Variants in TRIM11 observed in about 807,000 individuals in gnomAD.
TRIM11 encodes the protein E3 ubiquitin-protein ligase TRIM11.
TRIM11 carries 15 observed loss-of-function variants against 33.4 expected under a neutral mutation model. The ratio of observed to expected loss-of-function variants is 0.45; its 90% CI spans 0.30 to 0.69. The LOEUF (loss-of-function observed/expected upper bound fraction) is 0.69, where lower values mean the gene tolerates loss of function less well. TRIM11 is among the 30% of genes least tolerant of loss of function. TRIM11 has a pLI of 0.08. For synonymous variants in TRIM11, 281 were observed against 302.6 expected (o/e 0.93, Z 0.74); for missense variants, 499 against 667.6 (o/e 0.75, Z 2.78).
intron 1 of TRIM11, chr1:228,405,088 AT>A (rs1459742225): frequency 6.6e-6 from 1 of 152,278 alleles, no homozygotes; most frequent in East Asian, 1.9e-4. Context: ...CATTGGGGTA[AT>A]TGGTGTCACA....
chr1:228,402,193 A>G, intron 1 of TRIM11, 32 bp from the exon 2 acceptor site: 11 of 1,562,180 alleles, frequency 7.0e-6, no homozygotes, highest in Admixed American at 1.7e-5. Flanking sequence ...ACCATGAGAC[A>G]TGAGTCCTGT....
At position 228,406,734 on chromosome 1, in the gene TRIM11, G is replaced by A. The variant is rs1284270061; in HGVS notation, c.-173C>T. 2 of 522,320 alleles carry A rather than the reference G, an allele frequency of 3.8e-6. No individual in the cohort carries two copies. Among genetic ancestry groups the A allele is most frequent in the Admixed American group, 4.5e-5 (1 of 22,218 alleles). The allele number at this position is 522,320 out of a possible 1,614,324, so 32.4% of individuals were successfully genotyped here. A position where few individuals can be genotyped will look rare whatever the true frequency, so the allele number is the denominator to read the frequency against. On this transcript the variant is annotated 5_prime_UTR_variant, in exon 1 of 6. Transcript: ENST00000284551. This position sits in a 1 kb window ranked among gnomAD's most constrained non-coding sequence, Gnocchi z 8.2. ...CTCCGGGGCGCGGGGACTCCAGGGC[G>A]CAGGACTCTGGGTTTCGGTAGCGCT... is the stretch of plus-strand genomic sequence containing the variant.
chr1:228,394,601 GC>G lies in TRIM11; in HGVS notation c.*103del. The G allele has an allele frequency of 7.8e-7, 1 of 1,281,014 alleles. No homozygotes were observed. Among genetic ancestry groups the G allele is most frequent in the Non-Finnish European group, 1.1e-6 (1 of 947,856 alleles). 79.4% of individuals were successfully genotyped at this position (1,281,014 alleles called of 1,614,324 possible). On this transcript the variant is annotated 3_prime_UTR_variant, in exon 6 of 6. Transcript: ENST00000284551. This position sits in a 1 kb window ranked among gnomAD's most constrained non-coding sequence, Gnocchi z 6.2. The stretch of plus-strand genomic sequence containing the variant: ...AAAGGCACCAGGAGTTCCTCCTCTT[GC>G]TCAAAGGACACACTCCCTCCTCCCA...
At chr1:228,398,543 C>T (rs2149091500) in intron 3 of TRIM11, among the ~76,000 whole-genome samples, 1 of 152,138 alleles carries the variant, frequency 6.6e-6, no homozygotes, top group East Asian at 1.9e-4. Context: ...CGCTTCAGCC[C>T]AGGACATCGA....
rs1656186526 is a variant in TRIM11 at position 228,400,948 on chromosome 1, T to C, written c.735+16A>G. The C allele has an allele frequency of 6.5e-7, 1 of 1,539,820 alleles. No individual in the cohort carries two copies. Among genetic ancestry groups the C allele is most frequent in the South Asian group, 1.2e-5 (1 of 80,648 alleles). On this transcript the variant is annotated intron_variant, in intron 3 of 5. Coordinates refer to ENST00000284551, the MANE Select transcript of TRIM11 (RefSeq NM_145214.3). The surrounding 1 kb of genome is among the most constrained non-coding windows in gnomAD (Gnocchi z 4.5). ...ATGCCCGTGTGGCCACCATGGCTGC[T>C]CCCCGCCCAGCTCACCTGCAGCAGC...
chr1:228,403,695 C>G lies in TRIM11; in HGVS notation c.409-1534G>C, dbSNP rs2149094121. On this transcript the variant is annotated intron_variant, in intron 1 of 5. Coordinates refer to ENST00000284551, the MANE Select transcript of TRIM11 (RefSeq NM_145214.3). This position sits in a 1 kb window ranked among gnomAD's most constrained non-coding sequence, Gnocchi z 4.8. ...TTTGAGACGGAGTCTCGCTTTGTCC[C>G]CCAAGCTGGAGTGCAGTGGCACGAT... 6.6e-6 allele frequency: 1 copy of G among 152,552 alleles called. No individual in the cohort carries two copies. Among genetic ancestry groups the G allele is most frequent in the East Asian group, 1.9e-4 (1 of 5,184 alleles). 9.4% of individuals were successfully genotyped at this position (152,552 alleles called of 1,614,324 possible).
Position 228,406,355 on chromosome 1 carries a change from G to T in TRIM11, c.207C>A (p.Arg69=). Residue 69 remains arginine (R), a synonymous_variant, in exon 1 of 6, where the codon CGC becomes CGA. Transcript: ENST00000284551. The surrounding 1 kb of genome is among the most constrained non-coding windows in gnomAD (Gnocchi z 8.2). ...CCATCTCGGCCATCTTAGCAAGCGG[G>T]CGGTTGGGCCGCAGGTTCCTCTGCG... ...LSPQRNLRPN[R]PLAKMAEMAR... is the part of the protein sequence containing the mutation. 7 of 1,495,230 alleles carry T rather than the reference G, an allele frequency of 4.7e-6. No homozygotes were observed. The highest frequency in any genetic ancestry group is 6.2e-6 in the Non-Finnish European group (7 of 1,123,704). The allele number at this position is 1,495,230 out of a possible 1,614,324, so 92.6% of individuals were successfully genotyped here. A position where few individuals can be genotyped will look rare whatever the true frequency, so the allele number is the denominator to read the frequency against.
At chr1:228,397,118 CCT>C (rs868042800) in intron 4 of TRIM11, 23 bp downstream of exon 4, 1 of 1,613,812 alleles carries the variant, frequency 6.2e-7, no homozygotes, top group African/African-American at 1.3e-5. Flanking sequence ...TCCTGCCCCC[CCT>C]CCAGGAGAGG....
rs1224666283 is a variant in TRIM11 at position 228,406,651 on chromosome 1, C to G, written c.-90G>C. 1.3e-5 allele frequency: 17 copies of G among 1,268,556 alleles called. No homozygotes were observed. Among genetic ancestry groups the G allele is most frequent in the Non-Finnish European group, 1.7e-5 (17 of 994,246 alleles). The allele number at this position is 1,268,556 out of a possible 1,614,324, so 78.6% of individuals were successfully genotyped here. On this transcript the variant is annotated 5_prime_UTR_variant, in exon 1 of 6. Coordinates refer to ENST00000284551, the MANE Select transcript of TRIM11 (RefSeq NM_145214.3). This position sits in a 1 kb window ranked among gnomAD's most constrained non-coding sequence, Gnocchi z 8.2. ...CGCGGGGACGCGGGGTATCCGGGTG[C>G]GGCGGCGCAGGCTCGGGCACTCCGG... is the stretch of plus-strand genomic sequence containing the variant.
Position 228,395,225 on chromosome 1 carries a change from G to A in TRIM11, c.887C>T (p.Ala296Val). ...RGDVTLDPDT[A>V]NPELILSEDR... ...TTCAGACAGGATCAGCTCAGGGTTG[G>A]CGGTGTCCGGGTCCAAGGTCACGTC... The change falls in exon 6 of 6, where the codon GCC (alanine) becomes GTC (valine). Residue 296 changes from alanine to valine, a missense_variant. Ala to Val is a moderately conservative substitution (Grantham distance 64, BLOSUM62 0). Transcript: ENST00000284551. The surrounding 1 kb of genome is among the most constrained non-coding windows in gnomAD (Gnocchi z 4.8). The A allele has an allele frequency of 6.8e-7, 1 of 1,478,170 alleles. No homozygotes were observed. The highest frequency in any genetic ancestry group is 8.9e-7 in the Non-Finnish European group (1 of 1,120,234). The allele number at this position is 1,478,170 out of a possible 1,614,324, so 91.6% of individuals were successfully genotyped here. A position where few individuals can be genotyped will look rare whatever the true frequency, so the allele number is the denominator to read the frequency against.
At chr1:228,399,387 C>A (rs1481040109) in intron 3 of TRIM11, among the ~76,000 whole-genome samples, 1 of 152,210 alleles carries the variant, frequency 6.6e-6, no homozygotes, top group Non-Finnish European at 1.5e-5. Context: ...GGGAGCTTGG[C>A]CAAGGCATGG....
At chr1:228,397,604 C>G (rs1029653278) in intron 3 of TRIM11, 1 of 182,232 alleles carries the variant, frequency 5.5e-6, no homozygotes, top group Non-Finnish European at 1.1e-5. Flanking sequence ...TCCACCTGCC[C>G]TGCAGGCTCC....
rs1558444530 is a variant in TRIM11 at position 228,394,742 on chromosome 1, GGCCGGCAGATA to G, written c.1359_1369del (p.Ile454GlufsTer116). On this transcript the variant is annotated frameshift_variant, in exon 6 of 6. Coordinates refer to ENST00000284551, the MANE Select transcript of TRIM11 (RefSeq NM_145214.3). LOFTEE classifies it low-confidence loss of function (END_TRUNC). The surrounding 1 kb of genome is among the most constrained non-coding windows in gnomAD (Gnocchi z 6.2). ...CAGGGTGTCCCCGGACCCACCTTTC[GGCCGGCAGATA>G]GTCATCGGGGTCGGGCTGCTGGACA... The G allele has an allele frequency of 6.2e-7, 1 of 1,610,954 alleles. No homozygotes were observed. The highest frequency in any genetic ancestry group is 1.7e-5 in the Admixed American group (1 of 59,858).
chr1:228,396,910 C>G, intron 5 of TRIM11, 37 bp downstream of exon 5: 1 of 1,601,700 alleles, frequency 6.2e-7, no homozygotes, highest in Non-Finnish European at 8.6e-7. Context: ...AGGTCCCCTC[C>G]TGGAGTCATC....
In TRIM11 at chr1:228,401,078, C is replaced by A; in HGVS notation, c.621G>T (p.Val207=). 1.2e-6 allele frequency: 2 copies of A among 1,613,294 alleles called. No individual in the cohort carries two copies. Among genetic ancestry groups the A allele is most frequent in the Non-Finnish European group, 1.7e-6 (2 of 1,179,852 alleles). ...LQRLEEEELE[V]LPRLREGAAH... Reference sequence around the variant, plus strand: ...CTGCGCCCTCCCGCAGCCGGGGCAGCACCTCCAGCTCCTCCTCCTCCAGCC... The same window carrying A: ...CTGCGCCCTCCCGCAGCCGGGGCAGAACCTCCAGCTCCTCCTCCTCCAGCC... The change falls in exon 3 of 6, where the codon GTG becomes GTT. Residue 207 remains valine (V), a synonymous_variant. Coordinates refer to ENST00000284551, the MANE Select transcript of TRIM11 (RefSeq NM_145214.3). This position sits in a 1 kb window ranked among gnomAD's most constrained non-coding sequence, Gnocchi z 6.1.
chr1:228,404,525 G>A (rs1213304550), intron 1 of TRIM11: 1 of 152,276 alleles, frequency 6.6e-6, no homozygotes, highest in Non-Finnish European at 1.5e-5. Context: ...AGAACAGGAT[G>A]TCATCCCCAA....
In TRIM11 at chr1:228,400,484, G is replaced by A. The variant is rs1656157650; in HGVS notation, c.735+480C>T. On this transcript the variant is annotated intron_variant, in intron 3 of 5. Coordinates refer to ENST00000284551, the MANE Select transcript of TRIM11 (RefSeq NM_145214.3). This position sits in a 1 kb window ranked among gnomAD's most constrained non-coding sequence, Gnocchi z 4.5. ...CCACACATGGGAAAAGACTCTCCTG[G>A]AAGCAGAGGAGGAGGAGACTGCCCC... 2.0e-5 allele frequency among the ~76,000 whole-genome samples: 3 copies of A among 152,342 alleles called. No individual in the cohort carries two copies. Among genetic ancestry groups the A allele is most frequent in the Admixed American group, 2.0e-4 (3 of 15,304 alleles).
At position 228,400,016 on chromosome 1, in the gene TRIM11, C is replaced by A. The variant is rs952808604; in HGVS notation, c.735+948G>T. Among the ~76,000 whole-genome samples the A allele has an allele frequency of 1.3e-5, 2 of 152,218 alleles. No homozygotes were observed. Among genetic ancestry groups the A allele is most frequent in the African/African-American group, 4.8e-5 (2 of 41,458 alleles). On this transcript the variant is annotated intron_variant, in intron 3 of 5. Coordinates refer to ENST00000284551, the MANE Select transcript of TRIM11 (RefSeq NM_145214.3). The surrounding 1 kb of genome is among the most constrained non-coding windows in gnomAD (Gnocchi z 4.5). ...TCCAGAGGCCGGCAGCAGGTCACCC[C>A]CTGTGCAAAGCCGCCCAGCCACATC...
Position 228,406,230 on chromosome 1 carries a change from C to A in TRIM11, c.332G>T (p.Cys111Phe). Residue 111 changes from cysteine to phenylalanine, a missense_variant, in exon 1 of 6, where the codon TGT becomes TTT. By Grantham distance (205) the Cys-to-Phe change is radical. Transcript: ENST00000284551. The surrounding 1 kb of genome is among the most constrained non-coding windows in gnomAD (Gnocchi z 8.2). ...CTCCCCAGAGCGCTCGCAGGCCGCA[C>A]ACAGGAGGCGCAGCTCGTCGCCACA... Reference protein sequence around the residue: ...AFCGDELRLLCAACERSGEHW... With the variant: ...AFCGDELRLLFAACERSGEHW... The A allele has an allele frequency of 6.7e-7, 1 of 1,492,856 alleles. No homozygotes were observed. The highest frequency in any genetic ancestry group is 2.8e-5 in the East Asian group (1 of 36,220). 92.5% of individuals were successfully genotyped at this position (1,492,856 alleles called of 1,614,324 possible).
Sources: allele counts gnomAD v4.1 joint callset (sites outside exome capture counted in the v4.1 genomes callset), GRCh38; gene constraint gnomAD v4.1.1; non-coding constraint Gnocchi (gnomAD v3.1); transcripts MANE v1.5; gene names NCBI Gene and HGNC (gene_info 2026-07-23, HGNC 2026-07-21).